TBC1D4: variants seen among roughly 807,000 people sequenced by gnomAD.
TBC1D4 encodes the protein TBC (Tre-2, BUB2, CDC16) domain-containing protein.
TBC1D4 carries 121 observed loss-of-function variants against 142.5 expected under a neutral mutation model. That is an observed-to-expected ratio of 0.85 (90% CI 0.73 to 0.99). The LOEUF (loss-of-function observed/expected upper bound fraction) is 0.99, where lower values mean the gene tolerates loss of function less well. Ranked by LOEUF, TBC1D4 falls within the 50% of genes least tolerant of loss-of-function variation. The probability of loss-of-function intolerance (pLI) is 0.00; values close to 1 mark genes in which losing one functional copy is unlikely to be tolerated. For missense variants in TBC1D4, 1,475 were observed against 1,606.6 expected, an observed-to-expected ratio of 0.92 and a Z score of 1.40; for synonymous variants, 630 against 628.2, an observed-to-expected ratio of 1.00 and a Z score of -0.04.
chr13:75,347,054 G>A (rs898391372), intron 5 of TBC1D4, among the ~76,000 whole-genome samples: 1 of 152,026 alleles, frequency 6.6e-6, no homozygotes, highest in Non-Finnish European at 1.5e-5. Context: ...TCAAGACATG[G>A]AACTTCTAGA....
chr13:75,315,307 CA>C (rs201464375), intron 12 of TBC1D4, among the ~76,000 whole-genome samples: 2 of 148,972 alleles, frequency 1.3e-5, no homozygotes, highest in Non-Finnish European at 3.0e-5. Context: ...GACTCTGTCC[CA>C]AAAAACAAAA....
At chr13:75,472,413 C>T (rs1006167755) in intron 1 of TBC1D4, among the ~76,000 whole-genome samples, 9 of 151,604 alleles carry the variant, frequency 5.9e-5, no homozygotes, top group Non-Finnish European at 1.2e-4. Flanking sequence ...AGCAAGACTC[C>T]GTCTCAGAGA....
chr13:75,461,017 T>C (rs1217930785), intron 1 of TBC1D4, among the ~76,000 whole-genome samples: 1 of 152,226 alleles, frequency 6.6e-6, no homozygotes, highest in African/African-American at 2.4e-5. Flanking sequence ...GACTGGATAC[T>C]AGCAGTATAC....
chr13:75,459,064 A>C (rs1028822906), intron 1 of TBC1D4, among the ~76,000 whole-genome samples: 2 of 151,924 alleles, frequency 1.3e-5, no homozygotes, highest in African/African-American at 4.8e-5. Context: ...CCCTTAACCT[A>C]ATTACCAGCT....
intron 1 of TBC1D4, among the ~76,000 whole-genome samples, chr13:75,464,492 T>C (rs938125368): frequency 2.0e-5 from 3 of 152,230 alleles, no homozygotes; most frequent in Admixed American, 2.0e-4. Flanking sequence ...CTGTGATCTA[T>C]AGAAACAATG....
chr13:75,405,054 T>C (rs1241049642), intron 1 of TBC1D4, among the ~76,000 whole-genome samples: 1 of 152,100 alleles, frequency 6.6e-6, no homozygotes, highest in Non-Finnish European at 1.5e-5. Context: ...ACATCTTTCT[T>C]ATGTATGGGT....
intron 1 of TBC1D4, among the ~76,000 whole-genome samples, chr13:75,385,839 T>G (rs2138276717): frequency 6.6e-6 from 1 of 152,300 alleles, no homozygotes; most frequent in South Asian, 2.1e-4. Context: ...CATAAAATCA[T>G]GTTAACTGGA....
At chr13:75,425,351 G>T (rs776542544) in intron 1 of TBC1D4, among the ~76,000 whole-genome samples, 26 of 152,144 alleles carry the variant, frequency 1.7e-4, no homozygotes, top group South Asian at 1.2e-3. Context: ...TGAGGATGTG[G>T]TGAAAAGGGA....
At chr13:75,441,288 T>C (rs1887029551) in intron 1 of TBC1D4, among the ~76,000 whole-genome samples, 1 of 152,074 alleles carries the variant, frequency 6.6e-6, no homozygotes, top group East Asian at 1.9e-4. Context: ...CAAGGCATGA[T>C]TAGTGCCTTT....
At chr13:75,423,851 A>G (rs1275434180) in intron 1 of TBC1D4, among the ~76,000 whole-genome samples, 1 of 152,218 alleles carries the variant, frequency 6.6e-6, no homozygotes, top group Non-Finnish European at 1.5e-5. Flanking sequence ...GAGTTGTTTA[A>G]TGGGTACAGA....
At chr13:75,290,315 T>TA (rs1459239643) in intron 19 of TBC1D4, among the ~76,000 whole-genome samples, 3 of 152,140 alleles carry the variant, frequency 2.0e-5, no homozygotes, top group Non-Finnish European at 4.4e-5. Flanking sequence ...TGTCCATAAA[T>TA]AAAGTTCATC....
chr13:75,451,925 T>TGTTTA, intron 1 of TBC1D4, among the ~76,000 whole-genome samples: 1 of 151,990 alleles, frequency 6.6e-6, no homozygotes, highest in East Asian at 1.9e-4. Context: ...TAATTACTAG[T>TGTTTA]GTTTAAACTA....
intron 8 of TBC1D4, among the ~76,000 whole-genome samples, chr13:75,330,838 T>C (rs879679728): frequency 1.3e-5 from 2 of 152,200 alleles, no homozygotes; most frequent in Non-Finnish European, 2.9e-5. Context: ...TTGTGGCTAA[T>C]AAATTATTGG....
chr13:75,421,273 C>G (rs1021015088), intron 1 of TBC1D4, among the ~76,000 whole-genome samples: 7 of 152,146 alleles, frequency 4.6e-5, no homozygotes, highest in African/African-American at 1.4e-4. Context: ...CACGTACAAT[C>G]TCTCCATCCT....
intron 1 of TBC1D4, among the ~76,000 whole-genome samples, chr13:75,369,602 G>A (rs1883115128): frequency 6.6e-6 from 1 of 152,062 alleles, no homozygotes; most frequent in South Asian, 2.1e-4. Context: ...CTGTTAAAGG[G>A]TTTCTACTTA....
intron 17 of TBC1D4, among the ~76,000 whole-genome samples, chr13:75,298,101 CAG>C (rs34386359): frequency 0.5 from 75,266 of 151,776 alleles, 19,355 homozygotes; most frequent in Non-Finnish European, 0.56. Context: ...CTCTGGGAAA[CAG>C]AAAAAAATAG....
chr13:75,392,289 A>G (rs1275526944), intron 1 of TBC1D4, among the ~76,000 whole-genome samples: 1 of 152,194 alleles, frequency 6.6e-6, no homozygotes, highest in Admixed American at 6.5e-5. Context: ...TGTTCCAAAT[A>G]TTAGTATATC....
intron 1 of TBC1D4, among the ~76,000 whole-genome samples, chr13:75,390,785 T>A (rs1884430791): frequency 6.7e-6 from 1 of 148,186 alleles, no homozygotes; most frequent in Non-Finnish European, 1.5e-5. Flanking sequence ...ATTTAGTGCG[T>A]GAAAATCATG....
intron 8 of TBC1D4, among the ~76,000 whole-genome samples, chr13:75,329,481 G>A (rs762738104): frequency 4.7e-5 from 7 of 147,560 alleles, no homozygotes; most frequent in Non-Finnish European, 8.9e-5. Context: ...TACCATTATG[G>A]AGACCTCTGT....
Sources: gnomAD v4.1 joint callset for allele counts (sites outside exome capture counted in the v4.1 genomes callset) on GRCh38, gnomAD v4.1.1 for gene constraint, MANE v1.5 for transcripts, NCBI Gene and HGNC (gene_info 2026-07-23, HGNC 2026-07-21) for gene names.